CREB5: variants seen among roughly 807,000 people sequenced by gnomAD.
CREB5 encodes cyclic AMP-responsive element-binding protein 5.
In CREB5, 19 loss-of-function variants were observed where a neutral mutation model predicts 57.1. The observed-to-expected ratio is 0.33, with a 90% confidence interval of 0.23 to 0.49. The LOEUF is 0.49. Among genes scored for constraint, CREB5 ranks in the 20% least tolerant of loss-of-function variants. The pLI is 0.99. For missense variants in CREB5, 579 were observed against 671.6 expected, an observed-to-expected ratio of 0.86 and a Z score of 1.52; for synonymous variants, 238 against 238.3, an observed-to-expected ratio of 1.00 and a Z score of 0.01.
chr7:28,816,795 G>A (rs1036815278), intron 9 of CREB5, among the ~76,000 whole-genome samples: 2 of 152,146 alleles, frequency 1.3e-5, no homozygotes, highest in Non-Finnish European at 2.9e-5. Context: ...AATGTTAATC[G>A]TCCTTTTCGG....
At chr7:28,471,756 C>A (rs1316168901) in intron 1 of CREB5, among the ~76,000 whole-genome samples, 1 of 152,120 alleles carries the variant, frequency 6.6e-6, no homozygotes, top group Non-Finnish European at 1.5e-5. Flanking sequence ...TCACACACTT[C>A]CAGATATACT....
At chr7:28,375,496 A>G (rs1786805080) in intron 1 of CREB5, among the ~76,000 whole-genome samples, 1 of 152,222 alleles carries the variant, frequency 6.6e-6, no homozygotes, top group South Asian at 2.1e-4. Context: ...ATTTTAAAAT[A>G]ACTAAAAGAG....
intron 5 of CREB5, among the ~76,000 whole-genome samples, chr7:28,643,917 C>G (rs1212187247): frequency 6.6e-6 from 1 of 151,994 alleles, no homozygotes; most frequent in Non-Finnish European, 1.5e-5. Flanking sequence ...CCCATCTCCA[C>G]AAGAGATAAT....
chr7:28,466,160 T>C lies in CREB5; in HGVS notation c.4-22015T>C, dbSNP rs187825111. Among the ~76,000 whole-genome samples the C allele has an allele frequency of 1.2e-3, 176 of 149,158 alleles. 1 individual carries two copies. The highest frequency in any genetic ancestry group is 4.3e-3 in the African/African-American group (171 of 39,950). On this transcript the variant is annotated intron_variant, in intron 1 of 10. Transcript: ENST00000357727. ...TTCTCTTGCGGTCTTTCTAGTAAAT[T>C]CCATCCAGTTTTTACCCAATCGCTT...
At chr7:28,420,324 G>A (rs547069033) in intron 1 of CREB5, among the ~76,000 whole-genome samples, 4 of 152,252 alleles carry the variant, frequency 2.6e-5, no homozygotes, top group African/African-American at 9.6e-5. Context: ...AGGCTTAAGA[G>A]TAAATCATGT....
chr7:28,532,309 A>G (rs187966272), intron 4 of CREB5, among the ~76,000 whole-genome samples: 11 of 152,326 alleles, frequency 7.2e-5, no homozygotes, highest in Non-Finnish European at 1.5e-4. Flanking sequence ...GCAACCTCAT[A>G]AGAGTGCCTG....
intron 4 of CREB5, among the ~76,000 whole-genome samples, chr7:28,540,521 T>C (rs1794164108): frequency 6.6e-6 from 1 of 152,150 alleles, no homozygotes; most frequent in African/African-American, 2.4e-5. Flanking sequence ...TGATTTCCCC[T>C]GGGCTGCCTC....
chr7:28,445,591 G>A (rs546778410), intron 1 of CREB5, among the ~76,000 whole-genome samples: 225 of 150,736 alleles, frequency 1.5e-3, no homozygotes, highest in African/African-American at 4.5e-3. Flanking sequence ...TCGCTCTGTT[G>A]CCCAGGCTGG....
At chr7:28,582,816 G>A (rs1475387709) in intron 5 of CREB5, among the ~76,000 whole-genome samples, 5 of 152,220 alleles carry the variant, frequency 3.3e-5, no homozygotes, top group African/African-American at 2.4e-5. Flanking sequence ...GACCCCAAGG[G>A]AGAAGAGGGC....
intron 1 of CREB5, among the ~76,000 whole-genome samples, chr7:28,439,991 G>A (rs1278296407): frequency 6.6e-6 from 1 of 152,184 alleles, no homozygotes; most frequent in Non-Finnish European, 1.5e-5. Flanking sequence ...ACTTGTCTGT[G>A]CTTAGCTGGA....
chr7:28,329,056 T>G (rs1028472536), intron 1 of CREB5, among the ~76,000 whole-genome samples: 4 of 152,190 alleles, frequency 2.6e-5, no homozygotes, highest in African/African-American at 4.8e-5. Context: ...ATCACTTCAG[T>G]GTAACCCATG....
intron 5 of CREB5, among the ~76,000 whole-genome samples, chr7:28,573,838 A>C (rs1206366702): frequency 6.6e-6 from 1 of 152,178 alleles, no homozygotes; most frequent in Non-Finnish European, 1.5e-5. Context: ...AATGAGTGCA[A>C]ATGCAAAAAT....
intron 5 of CREB5, among the ~76,000 whole-genome samples, chr7:28,704,840 G>T (rs1450785241): frequency 2.6e-5 from 4 of 151,944 alleles, no homozygotes; most frequent in African/African-American, 4.8e-5. Context: ...GCCATTTTTT[G>T]TGTGTGTGTG....
intron 1 of CREB5, among the ~76,000 whole-genome samples, chr7:28,331,701 T>C (rs1785719304): frequency 6.6e-6 from 1 of 151,990 alleles, no homozygotes. Flanking sequence ...ATAAAAAAAT[T>C]AGCTGGGTGT....
chr7:28,718,759 C>T lies in CREB5; in HGVS notation c.471C>T (p.Val157=), dbSNP rs1802847922. The change falls in exon 6 of 11, where the codon GTC becomes GTT. Residue 157 remains valine (V), a synonymous_variant. Transcript: ENST00000357727. ...APSTNRQIGP[V]PGSLSSLLHL... ...GTTTTTTTCTTTGTCCCAGGCCTGT[C>T]CCAGGCTCTCTATCTTCTCTGCTAC... 2 of 1,613,770 alleles carry T rather than the reference C, an allele frequency of 1.2e-6. No individual in the cohort carries two copies. Among genetic ancestry groups the T allele is most frequent in the African/African-American group, 2.7e-5 (2 of 74,924 alleles).
chr7:28,453,425 C>T (rs998508251), intron 1 of CREB5, among the ~76,000 whole-genome samples: 5 of 152,002 alleles, frequency 3.3e-5, no homozygotes, highest in Admixed American at 6.5e-5. Flanking sequence ...GGTGACAGAG[C>T]GAGACCCTGT....
chr7:28,356,413 G>A (rs576310538), intron 1 of CREB5, among the ~76,000 whole-genome samples: 1 of 152,300 alleles, frequency 6.6e-6, no homozygotes, highest in South Asian at 2.1e-4. Flanking sequence ...TTTTTACAAC[G>A]TCGTTTTAGG....
At chr7:28,464,350 T>C (rs1790470114) in intron 1 of CREB5, among the ~76,000 whole-genome samples, 1 of 152,212 alleles carries the variant, frequency 6.6e-6, no homozygotes, top group African/African-American at 2.4e-5. Context: ...CAGGCAATCA[T>C]GGCTTCATAA....
chr7:28,668,168 A>T (rs1799898380), intron 5 of CREB5, among the ~76,000 whole-genome samples: 1 of 152,204 alleles, frequency 6.6e-6, no homozygotes, highest in African/African-American at 2.4e-5. Context: ...AAGAAACTTC[A>T]TGAAGTTTCC....
Sources: allele counts gnomAD v4.1 joint callset (sites outside exome capture counted in the v4.1 genomes callset), GRCh38; gene constraint gnomAD v4.1.1; transcripts MANE v1.5; gene names NCBI Gene and HGNC (gene_info 2026-07-23, HGNC 2026-07-21).